MCUB: variants seen among roughly 807,000 people sequenced by gnomAD.
MCUB encodes the protein mitochondrial calcium uniporter dominant negative subunit beta.
In MCUB, 46 loss-of-function variants were observed where a neutral mutation model predicts 41.4. The ratio of observed to expected loss-of-function variants is 1.11; its 90% confidence interval spans 0.88 to 1.42. The LOEUF (loss-of-function observed/expected upper bound fraction) is 1.42. Ranked by LOEUF, MCUB falls within the 40% of genes most tolerant of loss-of-function variation. The probability of loss-of-function intolerance (pLI) is 0.00; values close to 1 mark genes in which losing one functional copy is unlikely to be tolerated. For synonymous variants in MCUB, 148 were observed against 148.2 expected (o/e 1.00, Z 0.01); for missense variants, 403 against 404.9 (o/e 1.00, Z 0.04).
rs146519638 is a variant in MCUB at position 109,637,634 on chromosome 4, A to T, written c.100-21377A>T. Among the ~76,000 whole-genome samples, 1,214 of 152,348 alleles carry T rather than the reference A, an allele frequency of 8.0e-3. 7 individuals are homozygous for T. The highest frequency in any genetic ancestry group is 0.014 in the Non-Finnish European group (930 of 68,026). On this transcript the variant is annotated intron_variant, in intron 1 of 7. Transcript: ENST00000394650. ...GATGGAATTGTAGACTAATACTCTA[A>T]GTGAAGTAACTCAGGAATGGAAAAC...
chr4:109,567,466 C>T (rs1431158505), intron 1 of MCUB, among the ~76,000 whole-genome samples: 2 of 143,496 alleles, frequency 1.4e-5, no homozygotes, highest in Admixed American at 1.4e-4. Flanking sequence ...TTTTGGAGAT[C>T]GAGACCATCT....
intron 5 of MCUB, among the ~76,000 whole-genome samples, chr4:109,683,537 C>T (rs181134792): frequency 1.7e-3 from 259 of 152,292 alleles, no homozygotes; most frequent in African/African-American, 6.1e-3. Context: ...ACTATATTCT[C>T]CACACTTATG....
Position 109,593,970 on chromosome 4 carries a change from G to A in MCUB, c.99+33534G>A, listed in dbSNP as rs118165839. Among the ~76,000 whole-genome samples, 188 of 152,248 alleles carry A rather than the reference G, an allele frequency of 1.2e-3. No homozygotes were observed. In the East Asian group the frequency reaches 0.032, roughly 26 times the overall value. ...TGCTATATAGTCCAGTCAGTCCAAG[G>A]GTAATGTTAGCACTCTAGAAGTACT... On this transcript the variant is annotated intron_variant, in intron 1 of 7. Coordinates refer to ENST00000394650, the MANE Select transcript of MCUB (RefSeq NM_017918.5).
At chr4:109,615,250 C>T (rs1247600897) in intron 1 of MCUB, among the ~76,000 whole-genome samples, 4 of 152,074 alleles carry the variant, frequency 2.6e-5, no homozygotes, top group African/African-American at 4.8e-5. Flanking sequence ...GTTGAGCCAT[C>T]TTTCTTTACC....
At chr4:109,629,427 C>G (rs2126137567) in intron 1 of MCUB, among the ~76,000 whole-genome samples, 1 of 152,300 alleles carries the variant, frequency 6.6e-6, no homozygotes, top group African/African-American at 2.4e-5. Flanking sequence ...ATGGAGATTT[C>G]TCACCACCAG....
At chr4:109,597,726 C>T (rs189890) in intron 1 of MCUB, among the ~76,000 whole-genome samples, 31,488 of 137,570 alleles carry the variant, frequency 0.23, 2,904 homozygotes, top group South Asian at 0.31. Context: ...GCTGGCCGGG[C>T]GGGGGGCTGA....
intron 1 of MCUB, among the ~76,000 whole-genome samples, chr4:109,612,924 G>A (rs1250338179): frequency 6.6e-6 from 1 of 152,086 alleles, no homozygotes; most frequent in East Asian, 1.9e-4. Flanking sequence ...GGCTAACACG[G>A]TGAAATCCCG....
chr4:109,586,492 G>T (rs1432197406), intron 1 of MCUB, among the ~76,000 whole-genome samples: 2 of 152,120 alleles, frequency 1.3e-5, no homozygotes, highest in African/African-American at 4.8e-5. Flanking sequence ...GCTTTGTTCT[G>T]TTGCTGGTGA....
At chr4:109,591,908 C>T (rs1727445117) in intron 1 of MCUB, among the ~76,000 whole-genome samples, 1 of 151,764 alleles carries the variant, frequency 6.6e-6, no homozygotes, top group South Asian at 2.1e-4. Context: ...CTGTGTTGGC[C>T]AGGCTGGTCT....
At chr4:109,575,088 G>A (rs941083050) in intron 1 of MCUB, among the ~76,000 whole-genome samples, 4 of 152,148 alleles carry the variant, frequency 2.6e-5, no homozygotes, top group African/African-American at 7.2e-5. Context: ...TAATCTCTAC[G>A]CTTCCTTTCA....
intron 7 of MCUB, among the ~76,000 whole-genome samples, 189 bp from the exon 8 acceptor site, chr4:109,687,326 T>C (rs1225784450): frequency 6.6e-6 from 1 of 152,146 alleles, no homozygotes; most frequent in Non-Finnish European, 1.5e-5. Flanking sequence ...AGCACTGCAC[T>C]CCTGCCTGGG....
intron 1 of MCUB, among the ~76,000 whole-genome samples, chr4:109,596,943 C>G (rs1727570171): frequency 1.3e-5 from 2 of 151,928 alleles, no homozygotes; most frequent in Admixed American, 1.3e-4. Flanking sequence ...TCTTAACAAG[C>G]ATGCTGCCTT....
chr4:109,570,628 T>A (rs1166738519), intron 1 of MCUB, among the ~76,000 whole-genome samples: 1 of 152,240 alleles, frequency 6.6e-6, no homozygotes, highest in Non-Finnish European at 1.5e-5. Flanking sequence ...ATTTGGCCCA[T>A]AGGCTGTAGT....
intron 1 of MCUB, among the ~76,000 whole-genome samples, chr4:109,601,902 T>C (rs373148789): frequency 2.4e-4 from 37 of 152,372 alleles, no homozygotes; most frequent in African/African-American, 8.7e-4. Context: ...ACGTTTGTTA[T>C]TGCCTTTTGA....
At chr4:109,649,972 T>C (rs1201617648) in intron 1 of MCUB, among the ~76,000 whole-genome samples, 1 of 152,106 alleles carries the variant, frequency 6.6e-6, no homozygotes, top group African/African-American at 2.4e-5. Flanking sequence ...AGGTGTGGTA[T>C]GGAGGAGCAG....
intron 1 of MCUB, among the ~76,000 whole-genome samples, chr4:109,653,618 C>T (rs925067782): frequency 6.6e-6 from 1 of 151,992 alleles, no homozygotes; most frequent in Non-Finnish European, 1.5e-5. Flanking sequence ...CTCTTGTTGC[C>T]CAGGCTGGAG....
chr4:109,590,082 G>C (rs1727396932), intron 1 of MCUB, among the ~76,000 whole-genome samples: 3 of 151,986 alleles, frequency 2.0e-5, no homozygotes, highest in Non-Finnish European at 4.4e-5. Flanking sequence ...TCAATTATCT[G>C]TTTCATTTTT....
chr4:109,578,778 G>A (rs1357403231), intron 1 of MCUB, among the ~76,000 whole-genome samples: 1 of 151,848 alleles, frequency 6.6e-6, no homozygotes, highest in African/African-American at 2.4e-5. Context: ...AGAATCTCAT[G>A]CTTTCAAAAA....
At chr4:109,653,005 C>T (rs769017132) in intron 1 of MCUB, among the ~76,000 whole-genome samples, 3 of 152,094 alleles carry the variant, frequency 2.0e-5, no homozygotes, top group Admixed American at 6.5e-5. Context: ...ATTGTATGAA[C>T]ATAAGCTTTC....
Sources: gnomAD v4.1 joint callset for allele counts (sites outside exome capture counted in the v4.1 genomes callset) on GRCh38, gnomAD v4.1.1 for gene constraint, MANE v1.5 for transcripts, NCBI Gene and HGNC (gene_info 2026-07-23, HGNC 2026-07-21) for gene names.